Variants in MMP26 observed in about 807,000 individuals in gnomAD.
MMP26 encodes the protein matrix metalloproteinase-26.
MMP26 carries 33 observed loss-of-function variants against 31.0 expected under a neutral mutation model. That is an observed-to-expected ratio of 1.06 (90% confidence interval 0.81 to 1.42). MMP26 has a LOEUF of 1.42. Among genes scored for constraint, MMP26 ranks in the 40% most tolerant of loss-of-function variants. The pLI is 0.00. For missense variants in MMP26, 347 were observed against 316.1 expected, an observed-to-expected ratio of 1.10 and a Z score of -0.74; for synonymous variants, 122 against 114.9, an observed-to-expected ratio of 1.06 and a Z score of -0.40.
intron 2 of MMP26, among the ~76,000 whole-genome samples, chr11:4,868,453 T>G (rs12808282): frequency 0.23 from 35,151 of 151,992 alleles, 4,581 homozygotes; most frequent in African/African-American, 0.33. Context: ...AATCATGAGT[T>G]AACTCACATT....
At chr11:4,840,938 C>A (rs1849785123) in intron 2 of MMP26, among the ~76,000 whole-genome samples, 1 of 152,052 alleles carries the variant, frequency 6.6e-6, no homozygotes, top group African/African-American at 2.4e-5. Flanking sequence ...CTCAGAACTA[C>A]ATCAGAAAAA....
At chr11:4,944,572 T>G (rs1237956414) in intron 2 of MMP26, 1 of 152,274 alleles carries the variant, frequency 6.6e-6, no homozygotes, top group Non-Finnish European at 1.5e-5. Context: ...TCCTGGAAGG[T>G]GTTTCTTGAT....
At chr11:4,891,549 A>G (rs1850623171) in intron 2 of MMP26, among the ~76,000 whole-genome samples, 1 of 152,156 alleles carries the variant, frequency 6.6e-6, no homozygotes, top group South Asian at 2.1e-4. Context: ...CCAGGCTCTG[A>G]GCTTCTAAAG....
At chr11:4,822,307 G>A in intron 2 of MMP26, 2 of 1,520,790 alleles carry the variant, frequency 1.3e-6, no homozygotes, top group Non-Finnish European at 1.8e-6. Flanking sequence ...TATTTACAGT[G>A]TAAAGATTAA....
intron 2 of MMP26, among the ~76,000 whole-genome samples, chr11:4,844,250 C>A (rs1293860672): frequency 6.6e-6 from 1 of 152,036 alleles, no homozygotes; most frequent in African/African-American, 2.4e-5. Context: ...AGACAAATAA[C>A]AAGTAACAAG....
intron 2 of MMP26, chr11:4,848,711 G>A: frequency 6.2e-7 from 1 of 1,614,098 alleles, no homozygotes; most frequent in Admixed American, 1.7e-5. Context: ...GGAATGGCAG[G>A]GGCAGATGGA....
At chr11:4,798,644 A>C (rs1849140881) in intron 2 of MMP26, among the ~76,000 whole-genome samples, 1 of 152,158 alleles carries the variant, frequency 6.6e-6, no homozygotes. Flanking sequence ...AGGCTGACAC[A>C]CACCAGATCA....
At chr11:4,766,873 G>T (rs560210118) in intron 1 of MMP26, among the ~76,000 whole-genome samples, 1 of 151,752 alleles carries the variant, frequency 6.6e-6, no homozygotes, top group Non-Finnish European at 1.5e-5. Context: ...GGAATATTGC[G>T]ATGAGTGCTT....
intron 2 of MMP26, among the ~76,000 whole-genome samples, chr11:4,824,020 C>T (rs1015651748): frequency 3.3e-5 from 5 of 151,986 alleles, no homozygotes; most frequent in Admixed American, 1.3e-4. Context: ...GTTGGGTATT[C>T]TTTGTTTAAT....
intron 2 of MMP26, among the ~76,000 whole-genome samples, chr11:4,987,386 T>G (rs996872505): frequency 6.6e-6 from 1 of 151,810 alleles, no homozygotes. Flanking sequence ...CTTGGAGATT[T>G]TTTTTGTTTT....
At chr11:4,970,725 C>A (rs932609069) in intron 2 of MMP26, among the ~76,000 whole-genome samples, 3 of 152,100 alleles carry the variant, frequency 2.0e-5, no homozygotes, top group African/African-American at 7.2e-5. Flanking sequence ...GTCCTTGAAC[C>A]CTTGGGAGTG....
chr11:4,845,105 C>A (rs1299024583), intron 2 of MMP26, among the ~76,000 whole-genome samples: 1 of 151,934 alleles, frequency 6.6e-6, no homozygotes, highest in Non-Finnish European at 1.5e-5. Context: ...TATAAGCCAA[C>A]AGTGATCAAA....
chr11:4,977,201 T>G (rs1846750147), intron 2 of MMP26, among the ~76,000 whole-genome samples: 1 of 152,156 alleles, frequency 6.6e-6, no homozygotes, highest in Non-Finnish European at 1.5e-5. Context: ...AAATAAACAT[T>G]GAGCTAAACA....
intron 1 of MMP26, among the ~76,000 whole-genome samples, chr11:4,762,295 G>A (rs1848578053): frequency 6.6e-6 from 1 of 152,074 alleles, no homozygotes; most frequent in East Asian, 1.9e-4. Context: ...TTAATGTTTA[G>A]GTTTGCTTTT....
At chr11:4,960,744 T>C (rs186141368) in intron 2 of MMP26, among the ~76,000 whole-genome samples, 23 of 152,066 alleles carry the variant, frequency 1.5e-4, no homozygotes, top group Non-Finnish European at 3.4e-4. Flanking sequence ...ATTTAAAATA[T>C]ATTTATTTAC....
chr11:4,986,918 T>TCTCTCTCTCTCC (rs1564819690), intron 2 of MMP26, among the ~76,000 whole-genome samples: 6 of 107,752 alleles, frequency 5.6e-5, no homozygotes, highest in African/African-American at 2.1e-4. Context: ...TCTCTCTCTC[T>TCTCTCTCTCTCC]CTCTCTCTCT....
intron 2 of MMP26, among the ~76,000 whole-genome samples, chr11:4,962,361 T>G (rs963154507): frequency 6.6e-6 from 1 of 152,220 alleles, no homozygotes; most frequent in Admixed American, 6.5e-5. Context: ...TTAGAACTTA[T>G]GAAATTATAG....
chr11:4,851,382 G>A (rs1185243938), intron 2 of MMP26, among the ~76,000 whole-genome samples: 1 of 152,120 alleles, frequency 6.6e-6, no homozygotes, highest in African/African-American at 2.4e-5. Flanking sequence ...GGTCCTCTTT[G>A]GGGTAATGTG....
At chr11:4,786,021 C>G (rs1848938650) in intron 2 of MMP26, among the ~76,000 whole-genome samples, 1 of 152,120 alleles carries the variant, frequency 6.6e-6, no homozygotes, top group South Asian at 2.1e-4. Context: ...TCAAAGTTCT[C>G]CCTTTTCTCC....
Sources: allele counts gnomAD v4.1 joint callset (sites outside exome capture counted in the v4.1 genomes callset), GRCh38; gene constraint gnomAD v4.1.1; transcripts MANE v1.5; gene names NCBI Gene and HGNC (gene_info 2026-07-23, HGNC 2026-07-21).